The following TSNARE1 variants were observed in gnomAD, a reference collection of about 807,000 sequenced individuals.
TSNARE1 encodes t-SNARE domain-containing protein 1.
Under a neutral mutation model 62.0 loss-of-function variants are expected in TSNARE1, and 49 were observed. The ratio of observed to expected loss-of-function variants is 0.79; its 90% CI spans 0.63 to 1.00. The LOEUF is 1.00. Ranked by LOEUF, TSNARE1 falls within the 50% of genes least tolerant of loss-of-function variation. The pLI, the probability that TSNARE1 is intolerant of heterozygous loss-of-function variation, is 0.00. For missense variants in TSNARE1, 755 were observed against 700.1 expected (o/e 1.08, Z -0.88); for synonymous variants, 328 against 294.4 (o/e 1.11, Z -1.17).
At chr8:142,380,572 T>C (rs998360126) in intron 1 of TSNARE1, among the ~76,000 whole-genome samples, 5 of 130,142 alleles carry the variant, frequency 3.8e-5, no homozygotes, top group South Asian at 2.8e-4. Flanking sequence ...AGCCCCTCCA[T>C]GGGGCTCCCC....
chr8:142,265,721 T>C (rs1244429570), intron 12 of TSNARE1, among the ~76,000 whole-genome samples: 1 of 152,244 alleles, frequency 6.6e-6, no homozygotes, highest in Non-Finnish European at 1.5e-5. Flanking sequence ...CAGCAGTGCA[T>C]GAGCGAGCCA....
At chr8:142,304,746 T>C (rs1430333893) in intron 9 of TSNARE1, among the ~76,000 whole-genome samples, 1 of 152,190 alleles carries the variant, frequency 6.6e-6, no homozygotes, top group Non-Finnish European at 1.5e-5. Flanking sequence ...TGCCATGAGA[T>C]GCCACCTTCC....
chr8:142,256,286 T>C (rs1437646811), intron 12 of TSNARE1, among the ~76,000 whole-genome samples: 10 of 70,688 alleles, frequency 1.4e-4, no homozygotes, highest in Non-Finnish European at 2.1e-4. Flanking sequence ...ACCATTACCA[T>C]CATCACCACA....
chr8:142,251,801 C>T (rs111405432), intron 12 of TSNARE1, among the ~76,000 whole-genome samples: 4,685 of 143,502 alleles, frequency 0.033, 105 homozygotes, highest in South Asian at 0.058. Context: ...CTTCAGGGCC[C>T]GGGCACCATG....
At chr8:142,299,494 C>A (rs1313247115) in intron 10 of TSNARE1, among the ~76,000 whole-genome samples, 1 of 152,264 alleles carries the variant, frequency 6.6e-6, no homozygotes, top group Non-Finnish European at 1.5e-5. Context: ...TTCAAGGTCA[C>A]ACGCAGAGGC....
chr8:142,316,469 C>G (rs1828541868), intron 7 of TSNARE1, among the ~76,000 whole-genome samples: 1 of 151,774 alleles, frequency 6.6e-6, no homozygotes, highest in African/African-American at 2.4e-5. Context: ...GTGTAACTAA[C>G]TTTTGAACTG....
chr8:142,248,968 G>A (rs888895077), intron 12 of TSNARE1, among the ~76,000 whole-genome samples: 23 of 152,308 alleles, frequency 1.5e-4, no homozygotes, highest in Admixed American at 1.1e-3. Flanking sequence ...GAAGGGCCAC[G>A]CCTTTGGAGG....
intron 7 of TSNARE1, among the ~76,000 whole-genome samples, chr8:142,316,922 C>G (rs909914825): frequency 6.6e-6 from 1 of 151,942 alleles, no homozygotes; most frequent in African/African-American, 2.4e-5. Context: ...CTGAGCCACG[C>G]TGCTGGCTCT....
chr8:142,326,380 C>T (rs13256049), intron 6 of TSNARE1, among the ~76,000 whole-genome samples: 8 of 87,184 alleles, frequency 9.2e-5, no homozygotes, highest in South Asian at 6.5e-4. Context: ...CCAGAGAGCA[C>T]GAGACGGATG....
chr8:142,375,387 G>A (rs1024861881), intron 1 of TSNARE1, among the ~76,000 whole-genome samples: 1 of 152,270 alleles, frequency 6.6e-6, no homozygotes, highest in Admixed American at 6.5e-5. Context: ...GTGGTGGTCA[G>A]AGCAGTGCGG....
chr8:142,283,460 G>A (rs1214071900), intron 11 of TSNARE1, among the ~76,000 whole-genome samples: 4 of 150,376 alleles, frequency 2.7e-5, no homozygotes, highest in Non-Finnish European at 4.4e-5. Context: ...CAGGGACAGT[G>A]TCAATGAACA....
In TSNARE1 at chr8:142,254,293, T is replaced by A. The variant is rs192309150; in HGVS notation, c.1446+20488A>T. 1.7e-3 allele frequency among the ~76,000 whole-genome samples: 258 copies of A among 152,348 alleles called. 1 individual carries two copies. Among genetic ancestry groups the A allele is most frequent in the African/African-American group, 6.0e-3 (249 of 41,594 alleles). ...TCCCCAGTGCCCCGTGGGGCCATGC[T>A]TCCTGGCACGGAGGCCCTCCCCATG... On this transcript the variant is annotated intron_variant, in intron 12 of 13. Coordinates refer to ENST00000524325, the MANE Select transcript of TSNARE1 (RefSeq NM_145003.5).
intron 12 of TSNARE1, among the ~76,000 whole-genome samples, chr8:142,235,341 C>T (rs1434497322): frequency 6.6e-6 from 1 of 152,084 alleles, no homozygotes; most frequent in East Asian, 1.9e-4. Context: ...GCGCCCTCGT[C>T]GGGCCATGAG....
At chr8:142,261,443 A>G (rs552646252) in intron 12 of TSNARE1, among the ~76,000 whole-genome samples, 2 of 147,248 alleles carry the variant, frequency 1.4e-5, no homozygotes, top group Admixed American at 6.7e-5. Flanking sequence ...GAGAGGGAGG[A>G]CCGGGGAGGG....
At chr8:142,378,406 C>T (rs1564002226) in intron 1 of TSNARE1, among the ~76,000 whole-genome samples, 1 of 152,202 alleles carries the variant, frequency 6.6e-6, no homozygotes, top group Non-Finnish European at 1.5e-5. Context: ...AGATCACCTT[C>T]GTGGCACGAG....
In TSNARE1 at chr8:142,395,928, G is replaced by A. The variant is rs906920711; in HGVS notation, c.-40+7176C>T. Among the ~76,000 whole-genome samples the A allele has an allele frequency of 3.9e-5, 6 of 152,284 alleles. No individual in the cohort carries two copies. In the East Asian group the frequency reaches 7.7e-4, roughly 20 times the overall value. ...AAACATGTCCCCTTCCAAATACTTC[G>A]CTAGAATGGATCATGGGTCCAGATG... On this transcript the variant is annotated intron_variant, in intron 1 of 13. Coordinates refer to ENST00000524325, the MANE Select transcript of TSNARE1 (RefSeq NM_145003.5).
intron 13 of TSNARE1, among the ~76,000 whole-genome samples, chr8:142,216,394 G>A (rs1200947502): frequency 2.0e-5 from 3 of 152,188 alleles, no homozygotes; most frequent in Non-Finnish European, 4.4e-5. Flanking sequence ...GAGTAGCACA[G>A]GTATAATCAC....
intron 11 of TSNARE1, among the ~76,000 whole-genome samples, chr8:142,283,219 G>C (rs1287105938): frequency 6.7e-6 from 1 of 149,698 alleles, no homozygotes; most frequent in Non-Finnish European, 1.5e-5. Flanking sequence ...GGGCAAAAGC[G>C]GGATCAGTGT....
chr8:142,284,453 C>G lies in TSNARE1; in HGVS notation c.1323G>C (p.Lys441Asn). 6.2e-7 allele frequency: 1 copy of G among 1,613,832 alleles called. No individual in the cohort carries two copies. Among genetic ancestry groups the G allele is most frequent in the South Asian group, 1.1e-5 (1 of 91,082 alleles). The change falls in exon 11 of 14, where the codon AAG becomes AAC. Residue 441 changes from lysine to asparagine, a missense_variant. Physicochemically the swap from Lys to Asn is moderately conservative, Grantham distance 94. Transcript: ENST00000524325. The part of the protein sequence containing the change: ...SNLLDVNQII[K>N]DLASMVSEQG... ...GCTCTGACACCATGGAGGCCAAGTC[C>G]TTGATGATCTGATTCACATCCAGCA...
Sources: gnomAD v4.1 joint callset for allele counts (sites outside exome capture counted in the v4.1 genomes callset) on GRCh38, gnomAD v4.1.1 for gene constraint, MANE v1.5 for transcripts, NCBI Gene and HGNC (gene_info 2026-07-23, HGNC 2026-07-21) for gene names.